ADGRB1: variants seen among roughly 807,000 people sequenced by gnomAD.
ADGRB1 encodes the protein brain-specific angiogenesis inhibitor 1.
ADGRB1 carries 36 observed loss-of-function variants against 175.7 expected under a neutral mutation model. The ratio of observed to expected loss-of-function variants is 0.20; its 90% CI spans 0.16 to 0.27. ADGRB1 has a LOEUF of 0.27. Ranked by LOEUF, ADGRB1 falls within the 10% of genes least tolerant of loss-of-function variation. The pLI is 1.00. For missense variants in ADGRB1, 1,731 were observed against 2,255.3 expected (o/e 0.77, Z 4.71); for synonymous variants, 1,054 against 979.4 (o/e 1.08, Z -1.42).
intron 25 of ADGRB1, among the ~76,000 whole-genome samples, chr8:142,536,210 C>T (rs1234204418): frequency 7.2e-6 from 1 of 138,688 alleles, no homozygotes; most frequent in East Asian, 2.4e-4. Context: ...GCTTTCATGC[C>T]CCCCACCACC....
At position 142,488,292 on chromosome 8, in the gene ADGRB1, C is replaced by T. The variant is rs113553404; in HGVS notation, c.2309-72C>T. On this transcript the variant is annotated intron_variant, in intron 13 of 30. Coordinates refer to ENST00000517894, the MANE Select transcript of ADGRB1 (RefSeq NM_001702.3). ...ACTGCCAGGCCTGCACCTCAACTCCCGCAGCTGAGGCCCCGCCACATCTGT... is the reference window on the plus strand; with the variant it reads ...ACTGCCAGGCCTGCACCTCAACTCCTGCAGCTGAGGCCCCGCCACATCTGT... 4.2e-3 allele frequency: 6,671 copies of T among 1,574,358 alleles called. 238 individuals carry two copies. The African/African-American group carries it at 0.076, about 18-fold the overall frequency.
At chr8:142,533,503 G>T in intron 25 of ADGRB1, 37 bp downstream of exon 25, 1 of 1,550,968 alleles carries the variant, frequency 6.4e-7, no homozygotes, top group Non-Finnish European at 8.7e-7. Context: ...GGGCTCCTGC[G>T]GGGTCCTGGG....
In ADGRB1 at chr8:142,475,512, C is replaced by G; in HGVS notation, c.823C>G (p.Arg275Gly). The change falls in exon 3 of 31, where the codon CGG becomes GGG. Residue 275 changes from arginine (R) to glycine (G), a missense_variant. By Grantham distance (125) the Arg-to-Gly change is moderately radical (BLOSUM62 -2). This residue lies in a region of ADGRB1 where 178 missense variants were observed against 227.8 expected (regional missense o/e 0.78). Transcript: ENST00000517894. ...KLWSLWGECTRDCGGGLQTRT... is the reference protein window; with the variant it reads ...KLWSLWGECTGDCGGGLQTRT... ...GTGGTCCCTGTGGGGCGAATGCACG[C>G]GGGACTGCGGGGGAGGCCTCCAGAC... 1 of 1,294,692 alleles carries G rather than the reference C, an allele frequency of 7.7e-7. No individual in the cohort carries two copies. Among genetic ancestry groups the G allele is most frequent in the Non-Finnish European group, 9.8e-7 (1 of 1,020,224 alleles). 80.2% of individuals were successfully genotyped at this position (1,294,692 alleles called of 1,614,324 possible). A position where few individuals can be genotyped will look rare whatever the true frequency, so the allele number is the denominator to read the frequency against.
rs902632022 is a variant in ADGRB1, at chr8:142,542,729, C to T, written c.4413+82C>T. 1.8e-5 allele frequency: 24 copies of T among 1,301,782 alleles called. No individual in the cohort carries two copies. The Admixed American group carries it at 3.0e-4, about 16-fold the overall frequency. The allele number at this position is 1,301,782 out of a possible 1,614,324, so 80.6% of individuals were successfully genotyped here. On this transcript the variant is annotated intron_variant, in intron 28 of 30. Coordinates refer to ENST00000517894, the MANE Select transcript of ADGRB1 (RefSeq NM_001702.3). The surrounding 1 kb of genome is among the most constrained non-coding windows in gnomAD (Gnocchi z 6.3). ...TGGGTCACCCCTGCTGGGTGGGACC[C>T]CCACGCCGTCAGCGGGGCGGGCTGG...
intron 18 of ADGRB1, among the ~76,000 whole-genome samples, chr8:142,512,260 C>A (rs1364653336): frequency 6.6e-6 from 1 of 152,178 alleles, no homozygotes; most frequent in Non-Finnish European, 1.5e-5. Flanking sequence ...GGGCTGTCCC[C>A]TCAGGTGAGA....
rs549300078 is a variant in ADGRB1, at chr8:142,540,631, C to A, written c.3706+1218C>A. Among the ~76,000 whole-genome samples the A allele has an allele frequency of 4.2e-4, 64 of 152,280 alleles. No homozygotes were observed. The South Asian group carries it at 6.6e-3, about 16-fold the overall frequency. On this transcript the variant is annotated intron_variant, in intron 27 of 30. Coordinates refer to ENST00000517894, the MANE Select transcript of ADGRB1 (RefSeq NM_001702.3). ...ACATGCGAGGGAGGCACATAGACCC[C>A]TCACGTGCCAGGCGCTCGTTCTGCC... is the stretch of plus-strand genomic sequence containing the variant.
chr8:142,521,020 A>C, intron 20 of ADGRB1, 95 bp downstream of exon 20: 1 of 1,258,998 alleles, frequency 7.9e-7, no homozygotes, highest in Non-Finnish European at 1.1e-6. Flanking sequence ...TCCCTGGGAA[A>C]CTCAGGCAGG....
intron 27 of ADGRB1, among the ~76,000 whole-genome samples, chr8:142,540,689 G>A (rs1247295291): frequency 2.6e-5 from 4 of 152,140 alleles, no homozygotes. Flanking sequence ...TGTGTGGGAG[G>A]TCGGGAGCCC....
At chr8:142,498,559 CTG>C in intron 17 of ADGRB1, among the ~76,000 whole-genome samples, 1 of 151,994 alleles carries the variant, frequency 6.6e-6, no homozygotes, top group Non-Finnish European at 1.5e-5. Flanking sequence ...GCCACACTGG[CTG>C]TGCGCGCCCA....
rs1563685243 is a variant in ADGRB1, at chr8:142,469,634, T to TGC, written c.784+4652_784+4653insGC. 1.9e-3 allele frequency among the ~76,000 whole-genome samples: 278 copies of TGC among 150,218 alleles called. 4 individuals are homozygous for TGC. Among genetic ancestry groups the TGC allele is most frequent in the African/African-American group, 6.6e-3 (267 of 40,462 alleles). On this transcript the variant is annotated intron_variant, in intron 2 of 30. Coordinates refer to ENST00000517894, the MANE Select transcript of ADGRB1 (RefSeq NM_001702.3). The stretch of plus-strand genomic sequence containing the variant: ...GTGTGTGTATGCACGTGCATGTGTG[T>TGC]ATGTGCACGTGCGTGTGAACGCAAG...
At position 142,455,292 on chromosome 8, in the gene ADGRB1, C is replaced by A. The variant is rs1301918176; in HGVS notation, c.-220+5188C>A. Reference sequence around the variant, plus strand: ...CTGGACACCCCTCACAGCCACCTCCCTCAGCATGATCGCTGTCACCTTGGC... The same window carrying A: ...CTGGACACCCCTCACAGCCACCTCCATCAGCATGATCGCTGTCACCTTGGC... On this transcript the variant is annotated intron_variant, in intron 1 of 30. Transcript: ENST00000517894. The surrounding 1 kb of genome is among the most constrained non-coding windows in gnomAD (Gnocchi z 4.9). 6.6e-6 allele frequency among the ~76,000 whole-genome samples: 1 copy of A among 152,148 alleles called. No homozygotes were observed. Among genetic ancestry groups the A allele is most frequent in the East Asian group, 1.9e-4 (1 of 5,174 alleles).
chr8:142,484,645 C>G lies in ADGRB1; in HGVS notation c.2200-11C>G. On this transcript the variant is annotated splice_polypyrimidine_tract_variant and intron_variant, in intron 12 of 30. Coordinates refer to ENST00000517894, the MANE Select transcript of ADGRB1 (RefSeq NM_001702.3). ...CCTCCTCCCTCGGCTGCTCACCCCC[C>G]TGCCCTCCAGGCGGGCCCCAACGCC... 1 of 1,604,156 alleles carries G rather than the reference C, an allele frequency of 6.2e-7. No homozygotes were observed. The highest frequency in any genetic ancestry group is 1.1e-5 in the South Asian group (1 of 89,208).
intron 15 of ADGRB1, 111 bp from the exon 16 acceptor site, chr8:142,489,225 G>T (rs112510804): frequency 6.5e-7 from 1 of 1,545,858 alleles, no homozygotes; most frequent in South Asian, 1.1e-5. Flanking sequence ...TGGATGATGG[G>T]CTGTGGAGGG....
chr8:142,529,807 C>T (rs1181281390), intron 24 of ADGRB1, among the ~76,000 whole-genome samples: 2 of 145,756 alleles, frequency 1.4e-5, no homozygotes, highest in East Asian at 2.1e-4. Context: ...TGTGAGTGTG[C>T]ATCTGTGTGA....
chr8:142,539,447 C>T (rs2132269403), intron 27 of ADGRB1, 34 bp downstream of exon 27: 4 of 1,596,810 alleles, frequency 2.5e-6, no homozygotes, highest in East Asian at 2.3e-5. Context: ...ACAGTGCCAG[C>T]CCGGCCCCCT....
At chr8:142,488,233 T>C (rs1841789610) in intron 13 of ADGRB1, 131 bp from the exon 14 acceptor site, 1 of 1,323,060 alleles carries the variant, frequency 7.6e-7, no homozygotes, top group African/African-American at 1.4e-5. Context: ...CACTCCTGCC[T>C]CTGAGCCATG....
intron 22 of ADGRB1, among the ~76,000 whole-genome samples, chr8:142,523,591 CAG>C (rs1843998217): frequency 6.6e-6 from 1 of 151,906 alleles, no homozygotes; most frequent in South Asian, 2.1e-4. Context: ...CTGCCGAAGT[CAG>C]GGGTGGATCA....
rs985177033 is a variant in ADGRB1 at position 142,544,312 on chromosome 8, G to A, written c.4650G>A (p.Pro1550=). ...TPTWVKKELE[P]LQPSPLELRS... ...CGTGGGTGAAGAAGGAGCTGGAGCC[G>A]CTGCAGCCGTCGCCGCTGGAGCTTC... Residue 1550 remains proline, a synonymous_variant, in exon 31 of 31, where the codon CCG becomes CCA. Transcript: ENST00000517894. 1.0e-5 allele frequency: 16 copies of A among 1,548,792 alleles called. No individual in the cohort carries two copies. Among genetic ancestry groups the A allele is most frequent in the South Asian group, 3.6e-5 (3 of 83,998 alleles).
At chr8:142,500,455 C>T (rs1842464987) in intron 17 of ADGRB1, among the ~76,000 whole-genome samples, 1 of 149,498 alleles carries the variant, frequency 6.7e-6, no homozygotes, top group Non-Finnish European at 1.5e-5. Context: ...TTGGGAGCTC[C>T]TCTCAGTCAT....
Sources: allele counts gnomAD v4.1 joint callset (sites outside exome capture counted in the v4.1 genomes callset), GRCh38; gene constraint gnomAD v4.1.1; regional missense constraint gnomAD v4.1.1; non-coding constraint Gnocchi (gnomAD v3.1); transcripts MANE v1.5; gene names NCBI Gene and HGNC (gene_info 2026-07-23, HGNC 2026-07-21).